TMEM117: variants seen among roughly 807,000 people sequenced by gnomAD.
TMEM117 encodes transmembrane protein 117.
In TMEM117, 27 loss-of-function variants were observed where a neutral mutation model predicts 52.4. The ratio of observed to expected loss-of-function variants is 0.51; its 90% CI spans 0.38 to 0.71. The LOEUF (loss-of-function observed/expected upper bound fraction) is 0.71. Among genes scored for constraint, TMEM117 ranks in the 30% least tolerant of loss-of-function variants. The pLI, the probability that TMEM117 is intolerant of heterozygous loss-of-function variation, is 0.00. For synonymous variants in TMEM117, 215 were observed against 206.3 expected, an observed-to-expected ratio of 1.04 and a Z score of -0.36; for missense variants, 556 against 630.5, an observed-to-expected ratio of 0.88 and a Z score of 1.26.
intron 5 of TMEM117, among the ~76,000 whole-genome samples, chr12:44,267,479 C>T (rs1950393006): frequency 6.6e-6 from 1 of 152,090 alleles, no homozygotes; most frequent in Non-Finnish European, 1.5e-5. Flanking sequence ...ACTTGTTCAT[C>T]CCCTCTAAAA....
At chr12:43,942,140 C>A (rs1945053929) in intron 2 of TMEM117, among the ~76,000 whole-genome samples, 1 of 152,098 alleles carries the variant, frequency 6.6e-6, no homozygotes, top group Non-Finnish European at 1.5e-5. Flanking sequence ...AAAGAGAGCC[C>A]ATGAGTCCAA....
chr12:43,804,059 T>A, the TMEM117 span: 1 of 216,392 alleles, frequency 4.6e-6, no homozygotes, highest in Admixed American at 5.3e-5. Context: ...TGATCATTTC[T>A]GTGGCAAAGG....
rs145326198 is a variant in TMEM117 at position 44,276,846 on chromosome 12, T to G, written c.609-22734T>G. Reference sequence around the variant, plus strand: ...GTGAGCTATGTCTATTAGCTAGACCTGTTTTTTTTCCTTTGAGAAGTTCTT... The same window carrying G: ...GTGAGCTATGTCTATTAGCTAGACCGGTTTTTTTTCCTTTGAGAAGTTCTT... On this transcript the variant is annotated intron_variant, in intron 5 of 7. Transcript: ENST00000266534. 2.3e-3 allele frequency among the ~76,000 whole-genome samples: 351 copies of G among 152,174 alleles called. 12 individuals are homozygous for G. The East Asian group carries it at 0.035, about 15-fold the overall frequency.
At chr12:43,816,645 A>G in the TMEM117 span, among the ~76,000 whole-genome samples, 4 of 152,230 alleles carry the variant, frequency 2.6e-5, no homozygotes, top group Admixed American at 6.5e-5. Context: ...CTAGCTGCAA[A>G]GAAAGAAGAT....
intron 4 of TMEM117, among the ~76,000 whole-genome samples, chr12:44,209,205 A>G (rs1360307380): frequency 6.6e-6 from 1 of 152,144 alleles, no homozygotes; most frequent in East Asian, 1.9e-4. Context: ...CTCTTTTTAT[A>G]CCTAAGAGTA....
chr12:43,912,507 T>TTATACATATA (rs1555183812), intron 2 of TMEM117, among the ~76,000 whole-genome samples: 5 of 132,102 alleles, frequency 3.8e-5, no homozygotes, highest in African/African-American at 1.6e-4. Flanking sequence ...TAATAATAAT[T>TTATACATATA]TATATATATA....
chr12:44,058,438 A>T (rs149359619), intron 3 of TMEM117, among the ~76,000 whole-genome samples: 1 of 152,182 alleles, frequency 6.6e-6, no homozygotes, highest in African/African-American at 2.4e-5. Context: ...GTGAATACCA[A>T]TGTAATCATT....
intron 6 of TMEM117, among the ~76,000 whole-genome samples, chr12:44,344,440 A>G (rs1331397837): frequency 3.9e-5 from 6 of 152,054 alleles, no homozygotes; most frequent in Non-Finnish European, 8.8e-5. Flanking sequence ...AAGGGGCTCC[A>G]TGTTTTCATT....
intron 2 of TMEM117, among the ~76,000 whole-genome samples, chr12:43,875,717 A>G (rs1367395237): frequency 3.3e-5 from 5 of 152,098 alleles, no homozygotes; most frequent in Admixed American, 3.3e-4. Flanking sequence ...GGGCTACTTT[A>G]TTTACTATTG....
In TMEM117 at chr12:44,245,434, C is replaced by G. The variant is rs190337961; in HGVS notation, c.608+34047C>G. On this transcript the variant is annotated intron_variant, in intron 5 of 7. Coordinates refer to ENST00000266534, the MANE Select transcript of TMEM117 (RefSeq NM_032256.3). The stretch of plus-strand genomic sequence containing the variant: ...TTCACCTTCCTGGTTAAATGTACTT[C>G]TAAGCATTTTAATTTTTGATGCTAT... Among the ~76,000 whole-genome samples, 362 of 151,954 alleles carry G rather than the reference C, an allele frequency of 2.4e-3. 5 individuals carry two copies. The highest frequency in any genetic ancestry group is 8.3e-3 in the African/African-American group (345 of 41,520).
At chr12:44,127,560 C>G (rs1948346103) in intron 3 of TMEM117, among the ~76,000 whole-genome samples, 1 of 151,950 alleles carries the variant, frequency 6.6e-6, no homozygotes, top group Non-Finnish European at 1.5e-5. Context: ...CCTATAATCC[C>G]AGCTACTCGG....
At chr12:43,872,154 G>T (rs1205258940) in intron 2 of TMEM117, among the ~76,000 whole-genome samples, 1 of 152,110 alleles carries the variant, frequency 6.6e-6, no homozygotes, top group Non-Finnish European at 1.5e-5. Context: ...TTCCTGCATT[G>T]GTCTATTCCT....
At chr12:44,256,606 G>T (rs1280248770) in intron 5 of TMEM117, among the ~76,000 whole-genome samples, 2 of 151,984 alleles carry the variant, frequency 1.3e-5, no homozygotes, top group African/African-American at 4.8e-5. Context: ...TATGATGAAA[G>T]ATATATCCAG....
chr12:44,033,034 G>A lies in TMEM117; in HGVS notation c.410+88692G>A, dbSNP rs1174000439. 3.3e-5 allele frequency among the ~76,000 whole-genome samples: 5 copies of A among 152,244 alleles called. No homozygotes were observed. The East Asian group carries it at 9.7e-4, about 29-fold the overall frequency. ...TTCTAAGTCACAGGATGAGATAGAA[G>A]GTTGGCACAAAATACAGGCCATAAA... On this transcript the variant is annotated intron_variant, in intron 3 of 7. Transcript: ENST00000266534.
chr12:44,204,499 C>A (rs2138378341), intron 4 of TMEM117, among the ~76,000 whole-genome samples: 1 of 151,932 alleles, frequency 6.6e-6, no homozygotes, highest in Non-Finnish European at 1.5e-5. Context: ...TTTTCTGCAG[C>A]AATTTACAGA....
intron 2 of TMEM117, among the ~76,000 whole-genome samples, chr12:43,910,458 C>G (rs11533717): frequency 0.22 from 25,693 of 115,250 alleles, 4,580 homozygotes; most frequent in African/African-American, 0.5. Flanking sequence ...CCTCTCTCAC[C>G]ACTCCTATTC....
At chr12:43,843,994 G>T (rs1943157624) in intron 1 of TMEM117, among the ~76,000 whole-genome samples, 1 of 152,176 alleles carries the variant, frequency 6.6e-6, no homozygotes, top group South Asian at 2.1e-4. Context: ...TTTAACTTTT[G>T]TTAATATATG....
intron 6 of TMEM117, among the ~76,000 whole-genome samples, chr12:44,311,897 G>GTATATATATGTGTA (rs1950994154): frequency 4.1e-5 from 5 of 120,758 alleles, no homozygotes; most frequent in African/African-American, 1.9e-4. Flanking sequence ...ATATATATGT[G>GTATATATATGTGTA]TATATATATA....
At chr12:44,041,269 A>G (rs1946794264) in intron 3 of TMEM117, among the ~76,000 whole-genome samples, 1 of 111,570 alleles carries the variant, frequency 9.0e-6, no homozygotes, top group Non-Finnish European at 1.7e-5. Flanking sequence ...AACAGGCCCC[A>G]GTGTGTGATG....
Sources: allele counts gnomAD v4.1 joint callset (sites outside exome capture counted in the v4.1 genomes callset), GRCh38; gene constraint gnomAD v4.1.1; transcripts MANE v1.5; gene names NCBI Gene and HGNC (gene_info 2026-07-23, HGNC 2026-07-21).